The following NTN4 variants were observed in gnomAD, a reference collection of about 807,000 sequenced individuals.
The protein encoded by NTN4 is netrin 4, also known as netrin-4.
NTN4 carries 32 observed loss-of-function variants against 73.6 expected under a neutral mutation model. The observed-to-expected ratio is 0.44, with a 90% confidence interval of 0.33 to 0.58. The LOEUF (loss-of-function observed/expected upper bound fraction) is 0.58, where lower values mean the gene tolerates loss of function less well. Ranked by LOEUF, NTN4 falls within the 20% of genes least tolerant of loss-of-function variation. The pLI, the probability that NTN4 is intolerant of heterozygous loss-of-function variation, is 0.04. For synonymous variants in NTN4, 258 were observed against 287.5 expected (o/e 0.90, Z 1.04); for missense variants, 654 against 798.3 (o/e 0.82, Z 2.18).
intron 2 of NTN4, among the ~76,000 whole-genome samples, chr12:95,758,101 G>C (rs1238822972): frequency 6.6e-6 from 1 of 152,206 alleles, no homozygotes; most frequent in Non-Finnish European, 1.5e-5. Context: ...GGGTACTTAG[G>C]AGAGGAATTG....
intron 2 of NTN4, among the ~76,000 whole-genome samples, chr12:95,741,320 T>TA (rs2078821963): frequency 6.8e-6 from 1 of 146,372 alleles, no homozygotes. Flanking sequence ...TATATAATTA[T>TA]ATATTTATTA....
At chr12:95,752,801 T>G (rs923405313) in intron 2 of NTN4, among the ~76,000 whole-genome samples, 24 of 152,360 alleles carry the variant, frequency 1.6e-4, no homozygotes, top group African/African-American at 5.8e-4. Flanking sequence ...CTAGCCCTCA[T>G]GTCTGCGTGC....
At chr12:95,703,234 G>A (rs2078499561) in intron 5 of NTN4, among the ~76,000 whole-genome samples, 1 of 152,098 alleles carries the variant, frequency 6.6e-6, no homozygotes, top group African/African-American at 2.4e-5. Flanking sequence ...GTTCATTGCT[G>A]GCAGTCCAAT....
chr12:95,750,002 G>C (rs2078892821), intron 2 of NTN4, among the ~76,000 whole-genome samples: 1 of 151,342 alleles, frequency 6.6e-6, no homozygotes, highest in Non-Finnish European at 1.5e-5. Context: ...TTCTGGGGGA[G>C]GGGCAAGTAC....
At chr12:95,666,234 A>C (rs1311736538) in intron 8 of NTN4, among the ~76,000 whole-genome samples, 1 of 152,154 alleles carries the variant, frequency 6.6e-6, no homozygotes, top group Non-Finnish European at 1.5e-5. Flanking sequence ...TGAGGATGCA[A>C]AGACCTAAGA....
At chr12:95,706,367 CTTTT>C (rs2078522182) in intron 5 of NTN4, among the ~76,000 whole-genome samples, 2 of 152,170 alleles carry the variant, frequency 1.3e-5, no homozygotes, top group South Asian at 4.1e-4. Flanking sequence ...TCTTTTTTCT[CTTTT>C]TAATTGGTCA....
At chr12:95,731,017 A>C (rs1057233756) in intron 3 of NTN4, among the ~76,000 whole-genome samples, 2 of 152,304 alleles carry the variant, frequency 1.3e-5, no homozygotes, top group African/African-American at 4.8e-5. Context: ...ATAGATATCC[A>C]TACCCCTCCA....
rs1469998872 is a variant in NTN4, at chr12:95,683,567, C to A, written c.1325G>T (p.Gly442Val). ...GTCACATGGTCGACAGCCATAGTCT[C>A]CGAAGCCCCAGTATCCCACCATGCA... ...DRCMVGYWGF[G>V]DYGCRPCDCA... The change falls in exon 6 of 10, where the codon GGA becomes GTA. Residue 442 changes from glycine to valine, a missense_variant. By Grantham distance (109) the Gly-to-Val change is moderately radical (BLOSUM62 -3). Transcript: ENST00000343702. 1 of 1,614,188 alleles carries A rather than the reference C, an allele frequency of 6.2e-7. No homozygotes were observed. Among genetic ancestry groups the A allele is most frequent in the Non-Finnish European group, 8.5e-7 (1 of 1,180,026 alleles).
At chr12:95,707,014 C>A (rs192918200) in intron 5 of NTN4, among the ~76,000 whole-genome samples, 1 of 152,170 alleles carries the variant, frequency 6.6e-6, no homozygotes, top group East Asian at 1.9e-4. Context: ...AAGAGCCACA[C>A]TTTGAGAATC....
At chr12:95,673,447 A>G in intron 7 of NTN4, 1 of 194,512 alleles carries the variant, frequency 5.1e-6, no homozygotes, top group Non-Finnish European at 1.1e-5. Context: ...TCTGTCCCCA[A>G]GAGCCAGTCC....
At chr12:95,714,732 A>G (rs1014774487) in intron 3 of NTN4, among the ~76,000 whole-genome samples, 14 of 152,162 alleles carry the variant, frequency 9.2e-5, no homozygotes, top group Non-Finnish European at 1.6e-4. Flanking sequence ...CCCTTGACAC[A>G]TGGGTGGCAT....
chr12:95,787,978 G>T (rs914608359), intron 1 of NTN4, among the ~76,000 whole-genome samples: 1 of 152,148 alleles, frequency 6.6e-6, no homozygotes, highest in Non-Finnish European at 1.5e-5. Context: ...TATTTAGAAG[G>T]AAATGTGGAA....
chr12:95,748,220 G>A (rs2078875972), intron 2 of NTN4, among the ~76,000 whole-genome samples: 1 of 105,318 alleles, frequency 9.5e-6, no homozygotes, highest in Admixed American at 1.4e-4. Context: ...GACAGAGCAA[G>A]ACTCTGTCTC....
At position 95,699,491 on chromosome 12, in the gene NTN4, C is replaced by G. The variant is rs17024539; in HGVS notation, c.1180+10950G>C. On this transcript the variant is annotated intron_variant, in intron 5 of 9. Transcript: ENST00000343702. ...CAGTGCAAACGGAAATGCAGAGACT[C>G]TTCCTGAGAGCATCATGAGAAGGGG... Among the ~76,000 whole-genome samples the G allele has an allele frequency of 9.0e-3, 1,368 of 152,232 alleles. 22 individuals are homozygous for G. Among genetic ancestry groups the G allele is most frequent in the African/African-American group, 0.031 (1,280 of 41,524 alleles).
intron 7 of NTN4, among the ~76,000 whole-genome samples, chr12:95,672,032 A>G (rs2078234597): frequency 6.6e-6 from 1 of 151,426 alleles, no homozygotes; most frequent in East Asian, 1.9e-4. Flanking sequence ...GAGATAAAAG[A>G]GTGAGCAGCC....
At chr12:95,676,750 T>C (rs796927417) in intron 7 of NTN4, among the ~76,000 whole-genome samples, 25 of 150,778 alleles carry the variant, frequency 1.7e-4, no homozygotes, top group African/African-American at 6.1e-4. Flanking sequence ...AAAGAAAAAT[T>C]AAATAGGTTG....
chr12:95,752,307 C>T (rs1313577960), intron 2 of NTN4, among the ~76,000 whole-genome samples: 286 of 141,576 alleles, frequency 2.0e-3, no homozygotes, highest in South Asian at 4.0e-3. Context: ...GGATCTGCGC[C>T]TTATCAACCA....
chr12:95,772,953 C>A (rs1270136923), intron 2 of NTN4, among the ~76,000 whole-genome samples: 1 of 151,796 alleles, frequency 6.6e-6, no homozygotes, highest in Non-Finnish European at 1.5e-5. Flanking sequence ...GATAATATCA[C>A]CCCACCACTT....
intron 3 of NTN4, among the ~76,000 whole-genome samples, chr12:95,718,805 TTTTA>T (rs1167666165): frequency 5.3e-5 from 8 of 152,308 alleles, no homozygotes; most frequent in Middle Eastern, 3.4e-3. Context: ...TACGATCCTT[TTTTA>T]TTTCTCTCCT....
Sources: allele counts gnomAD v4.1 joint callset (sites outside exome capture counted in the v4.1 genomes callset), GRCh38; gene constraint gnomAD v4.1.1; transcripts MANE v1.5; gene names NCBI Gene and HGNC (gene_info 2026-07-23, HGNC 2026-07-21).